The following LRCH1 variants were observed in gnomAD, a reference collection of about 807,000 sequenced individuals.
LRCH1 encodes leucine-rich repeat and calponin homology domain-containing protein 1.
In LRCH1, 23 loss-of-function variants were observed where a neutral mutation model predicts 94.9. The ratio of observed to expected loss-of-function variants is 0.24; its 90% CI spans 0.17 to 0.34. LRCH1 has a LOEUF of 0.34. Among genes scored for constraint, LRCH1 ranks in the 10% least tolerant of loss-of-function variants. The pLI is 1.00. For synonymous variants in LRCH1, 364 were observed against 354.9 expected (o/e 1.03, Z -0.29); for missense variants, 790 against 945.9 (o/e 0.84, Z 2.16).
At chr13:46,712,422 A>C in intron 14 of LRCH1, 103 bp from the exon 15 acceptor site, 2 of 869,540 alleles carry the variant, frequency 2.3e-6, no homozygotes, top group Non-Finnish European at 3.7e-6. Flanking sequence ...CGAATGCAAA[A>C]AGGGAGTAGT....
At chr13:46,746,125 C>A (rs1467103892), downstream of LRCH1, among the ~76,000 whole-genome samples, 1 of 152,330 alleles carries the variant, frequency 6.6e-6, no homozygotes, top group South Asian at 2.1e-4. Context: ...GGCTCTAAGA[C>A]ACATGTAGTT....
intron 13 of LRCH1, among the ~76,000 whole-genome samples, chr13:46,708,141 G>A (rs1487056746): frequency 6.6e-6 from 1 of 152,132 alleles, no homozygotes; most frequent in Non-Finnish European, 1.5e-5. Context: ...GAAGAAGAGC[G>A]GCCATTATAC....
intron 3 of LRCH1, among the ~76,000 whole-genome samples, chr13:46,670,146 CT>C (rs975169096): frequency 6.6e-6 from 1 of 152,198 alleles, no homozygotes; most frequent in African/African-American, 2.4e-5. Context: ...TCAACTTTGA[CT>C]TTAATATAGA....
At chr13:46,638,064 T>G (rs1043591145) in intron 1 of LRCH1, among the ~76,000 whole-genome samples, 26 of 152,356 alleles carry the variant, frequency 1.7e-4, no homozygotes, top group African/African-American at 5.8e-4. Context: ...AAACGATATC[T>G]TTGAGTCGTT....
chr13:46,591,513 AG>A (rs148070196), intron 1 of LRCH1, among the ~76,000 whole-genome samples: 6,394 of 152,320 alleles, frequency 0.042, 473 homozygotes, highest in African/African-American at 0.14. Context: ...TAGGAAAGGC[AG>A]TTTTCAGCAT....
At position 46,743,211 on chromosome 13, in the gene LRCH1, GAAGAAAATCTT is replaced by G. The variant is rs1391519649; in HGVS notation, c.*1365_*1375del. 2 of 985,648 alleles carry G rather than the reference GAAGAAAATCTT, an allele frequency of 2.0e-6. No homozygotes were observed. Among genetic ancestry groups the G allele is most frequent in the African/African-American group, 3.5e-5 (2 of 57,232 alleles). 61.1% of individuals were successfully genotyped at this position (985,648 alleles called of 1,614,324 possible). A position where few individuals can be genotyped will look rare whatever the true frequency, so the allele number is the denominator to read the frequency against. ...AACAGCTCTCATAGATGGCTACTACGAAGAAAATCTTATTTTTCTGAACATTTTCATGAATC... is the reference window on the plus strand; with the variant it reads ...AACAGCTCTCATAGATGGCTACTACGATTTTTCTGAACATTTTCATGAATC... On this transcript the variant is annotated 3_prime_UTR_variant, in exon 20 of 20. Coordinates refer to ENST00000389797, the MANE Select transcript of LRCH1 (RefSeq NM_001164211.2).
In LRCH1 at chr13:46,681,764, A is replaced by C. The variant is rs1235117826; in HGVS notation, c.603A>C (p.Thr201=). 1 of 1,612,414 alleles carries C rather than the reference A, an allele frequency of 6.2e-7. No individual in the cohort carries two copies. The highest frequency in any genetic ancestry group is 1.3e-5 in the African/African-American group (1 of 74,914). Residue 201 remains threonine (T), a synonymous_variant, in exon 4 of 20, where the codon ACA becomes ACC. Transcript: ENST00000389797. The stretch of plus-strand genomic sequence containing the variant: ...AGGATGTCAGCTGCAACGAGATCAC[A>C]GCGTTGCCCCAGCAGATAGGTCAGT... ...MELDVSCNEI[T]ALPQQIGQLK... is the part of the protein sequence containing the mutation.
chr13:46,751,730 C>T (rs1253163944), exon 19 of LRCH1: 1 of 152,078 alleles, frequency 6.6e-6, no homozygotes, highest in Non-Finnish European at 1.5e-5. Flanking sequence ...GAAGAAATGG[C>T]ATAGGAAAGT....
intron 2 of LRCH1, among the ~76,000 whole-genome samples, chr13:46,654,576 A>G (rs2051347314): frequency 2.0e-5 from 3 of 152,208 alleles, no homozygotes; most frequent in African/African-American, 7.2e-5. Context: ...TATGCCAAAG[A>G]AAAAACTTAC....
intron 17 of LRCH1, among the ~76,000 whole-genome samples, chr13:46,725,559 A>G (rs990722100): frequency 8.5e-5 from 13 of 152,194 alleles, no homozygotes; most frequent in African/African-American, 3.1e-4. Flanking sequence ...AAATAAATAC[A>G]CAGTTTCAGA....
At chr13:46,584,792 C>G (rs1441888854) in intron 1 of LRCH1, among the ~76,000 whole-genome samples, 1 of 152,188 alleles carries the variant, frequency 6.6e-6, no homozygotes, top group Non-Finnish European at 1.5e-5. Flanking sequence ...GTTTTATAAT[C>G]AAAACCCACA....
At chr13:46,641,679 G>T (rs57667011) in intron 1 of LRCH1, among the ~76,000 whole-genome samples, 13,117 of 152,168 alleles carry the variant, frequency 0.086, 666 homozygotes, top group Middle Eastern at 0.16. Flanking sequence ...CGATGGCTCT[G>T]GTGGCTGATA....
At chr13:46,590,041 G>A (rs188128521) in intron 1 of LRCH1, among the ~76,000 whole-genome samples, 2 of 152,202 alleles carry the variant, frequency 1.3e-5, no homozygotes, top group Admixed American at 1.3e-4. Context: ...CTGTAAACTG[G>A]AAGTTAGGCC....
At chr13:46,694,372 T>G (rs774018943) in intron 8 of LRCH1, among the ~76,000 whole-genome samples, 29 of 152,354 alleles carry the variant, frequency 1.9e-4, no homozygotes, top group Non-Finnish European at 2.2e-4. Flanking sequence ...TGTGTGGCCC[T>G]TCTTGTAGAC....
chr13:46,578,252 G>A (rs1474459764), intron 1 of LRCH1, among the ~76,000 whole-genome samples: 2 of 152,202 alleles, frequency 1.3e-5, no homozygotes, highest in Admixed American at 6.5e-5. Context: ...GCTTTGTGGC[G>A]CCTGCATAGT....
intron 1 of LRCH1, among the ~76,000 whole-genome samples, chr13:46,633,271 C>T (rs2051040705): frequency 6.6e-6 from 1 of 152,140 alleles, no homozygotes; most frequent in Non-Finnish European, 1.5e-5. Flanking sequence ...GTAGTTTAGC[C>T]TACAATATTT....
At chr13:46,671,039 C>T (rs943716042) in intron 3 of LRCH1, among the ~76,000 whole-genome samples, 2 of 152,202 alleles carry the variant, frequency 1.3e-5, no homozygotes, top group Admixed American at 6.5e-5. Flanking sequence ...TGTGGTCAGG[C>T]CCCTGCTCAC....
In LRCH1 at chr13:46,558,572, CAAAAAAAA is replaced by C. The variant is rs575874794; in HGVS notation, c.307+4888_307+4895del. Among the ~76,000 whole-genome samples, 265 of 34,406 alleles carry C rather than the reference CAAAAAAAA, an allele frequency of 7.7e-3. 5 individuals are homozygous for C. Among genetic ancestry groups the C allele is most frequent in the African/African-American group, 0.023 (229 of 9,890 alleles). 22.6% of individuals were successfully genotyped at this position (34,406 alleles called of 152,430 possible). ...CCAAGACGGTGAAACCCTGTGTCTACAAAAAAAAAAAAAAAAAAAAAAAAAAGCTGGGT... is the reference window on the plus strand; with the variant it reads ...CCAAGACGGTGAAACCCTGTGTCTACAAAAAAAAAAAAAAAAAAGCTGGGT... On this transcript the variant is annotated intron_variant, in intron 1 of 19. Transcript: ENST00000389797.
chr13:46,573,716 A>G (rs2137924302), intron 1 of LRCH1, among the ~76,000 whole-genome samples: 1 of 151,514 alleles, frequency 6.6e-6, no homozygotes, highest in Admixed American at 6.6e-5. Context: ...AGAGAGTAGA[A>G]TGATGGTTAC....
Sources: gnomAD v4.1 joint callset for allele counts (sites outside exome capture counted in the v4.1 genomes callset) on GRCh38, gnomAD v4.1.1 for gene constraint, MANE v1.5 for transcripts, NCBI Gene and HGNC (gene_info 2026-07-23, HGNC 2026-07-21) for gene names.